The following SDK1 variants were observed in gnomAD, a reference collection of about 807,000 sequenced individuals.
SDK1 encodes the protein protein sidekick-1.
In SDK1, 157 loss-of-function variants were observed where a neutral mutation model predicts 245.5. That is an observed-to-expected ratio of 0.64 (90% confidence interval 0.56 to 0.73). The LOEUF (loss-of-function observed/expected upper bound fraction) is 0.73. SDK1 is among the 30% of genes least tolerant of loss of function. The pLI, the probability that SDK1 is intolerant of heterozygous loss-of-function variation, is 0.00. For missense variants in SDK1, 3,583 were observed against 3,002.3 expected (o/e 1.19, Z -4.52); for synonymous variants, 1,647 against 1,278.5 (o/e 1.29, Z -6.15).
At chr7:3,501,378 GAA>G in intron 1 of SDK1, among the ~76,000 whole-genome samples, 1 of 136,066 alleles carries the variant, frequency 7.3e-6, no homozygotes, top group African/African-American at 2.5e-5. Flanking sequence ...TCAGGAAAAA[GAA>G]AAAAAAAAAC....
At chr7:4,194,762 C>G (rs1783483271) in intron 35 of SDK1, among the ~76,000 whole-genome samples, 1 of 152,116 alleles carries the variant, frequency 6.6e-6, no homozygotes, top group Non-Finnish European at 1.5e-5. Context: ...GTCTGCTTTT[C>G]CCAGCCCACT....
intron 5 of SDK1, among the ~76,000 whole-genome samples, chr7:3,949,185 T>C (rs760996077): frequency 2.6e-5 from 4 of 152,164 alleles, no homozygotes; most frequent in Non-Finnish European, 5.9e-5. Context: ...AGTCTAGAGA[T>C]GGGGAAGGCT....
chr7:3,895,095 A>G (rs993043176), intron 5 of SDK1, among the ~76,000 whole-genome samples: 2 of 152,234 alleles, frequency 1.3e-5, no homozygotes, highest in Non-Finnish European at 2.9e-5. Flanking sequence ...TTTCTATTAT[A>G]GGGTAAGAAG....
intron 1 of SDK1, among the ~76,000 whole-genome samples, chr7:3,438,878 G>A (rs1206244546): frequency 1.4e-5 from 2 of 140,434 alleles, no homozygotes; most frequent in African/African-American, 2.8e-5. Flanking sequence ...TTGAGATGGA[G>A]TTTCACTCTT....
intron 1 of SDK1, among the ~76,000 whole-genome samples, chr7:3,472,331 T>C (rs1311742308): frequency 2.0e-5 from 3 of 152,168 alleles, no homozygotes; most frequent in African/African-American, 7.2e-5. Context: ...TTGTGCAATT[T>C]TATTGTGCTT....
chr7:3,701,947 A>G (rs991883321), intron 4 of SDK1, among the ~76,000 whole-genome samples: 2 of 146,280 alleles, frequency 1.4e-5, no homozygotes, highest in African/African-American at 5.1e-5. Context: ...AAAAAAAAAG[A>G]AAAAAGAAAA....
At chr7:3,529,134 G>A (rs1321137345) in intron 1 of SDK1, among the ~76,000 whole-genome samples, 1 of 152,140 alleles carries the variant, frequency 6.6e-6, no homozygotes, top group Non-Finnish European at 1.5e-5. Context: ...GAACCTTGAG[G>A]TGTTAGACTA....
chr7:3,840,325 G>A (rs1780125675), intron 5 of SDK1, among the ~76,000 whole-genome samples: 1 of 152,124 alleles, frequency 6.6e-6, no homozygotes, highest in Non-Finnish European at 1.5e-5. Context: ...CAAGAAATAG[G>A]AAAAGACAAA....
At chr7:3,725,023 A>C (rs1455322482) in intron 4 of SDK1, among the ~76,000 whole-genome samples, 1 of 152,238 alleles carries the variant, frequency 6.6e-6, no homozygotes, top group East Asian at 1.9e-4. Context: ...ATTAGCTTAG[A>C]CTTTCTTATT....
rs552881053 is a variant in SDK1, at chr7:3,660,214, A to G, written c.713+18109A>G. 2.0e-5 allele frequency among the ~76,000 whole-genome samples: 3 copies of G among 152,120 alleles called. No homozygotes were observed. The East Asian group carries it at 5.8e-4, about 29-fold the overall frequency. On this transcript the variant is annotated intron_variant, in intron 4 of 44. Transcript: ENST00000404826. Reference sequence around the variant, plus strand: ...ACTGCTGAGGAGCTCTACCATGCAGAGCAGGGTAGAGAAATAAGACACCCA... The same window carrying G: ...ACTGCTGAGGAGCTCTACCATGCAGGGCAGGGTAGAGAAATAAGACACCCA...
intron 4 of SDK1, among the ~76,000 whole-genome samples, chr7:3,784,381 G>T (rs923978968): frequency 6.6e-6 from 1 of 151,664 alleles, no homozygotes; most frequent in East Asian, 1.9e-4. Context: ...AACTCAAAAT[G>T]GATTAAAGTC....
intron 27 of SDK1, among the ~76,000 whole-genome samples, chr7:4,131,927 T>C (rs1784851667): frequency 6.6e-6 from 1 of 152,192 alleles, no homozygotes; most frequent in Non-Finnish European, 1.5e-5. Flanking sequence ...GCTTTGCAGA[T>C]GTCAAACCCA....
At chr7:3,853,592 T>C (rs1780470441) in intron 5 of SDK1, among the ~76,000 whole-genome samples, 1 of 152,198 alleles carries the variant, frequency 6.6e-6, no homozygotes, top group South Asian at 2.1e-4. Flanking sequence ...TTGGAATATT[T>C]GCAGAATACA....
At chr7:4,050,868 G>A (rs1308691016) in intron 18 of SDK1, among the ~76,000 whole-genome samples, 7 of 138,182 alleles carry the variant, frequency 5.1e-5, no homozygotes, top group South Asian at 2.2e-4. Context: ...TATACTATAT[G>A]GTATATATTA....
intron 4 of SDK1, among the ~76,000 whole-genome samples, chr7:3,801,407 A>G (rs545172417): frequency 6.6e-6 from 1 of 152,298 alleles, no homozygotes; most frequent in African/African-American, 2.4e-5. Context: ...AGTCTACTGA[A>G]TGTTTAATCC....
intron 35 of SDK1, among the ~76,000 whole-genome samples, chr7:4,181,232 G>C (rs1349098004): frequency 2.0e-5 from 3 of 152,246 alleles, no homozygotes; most frequent in Non-Finnish European, 4.4e-5. Flanking sequence ...CCCTCGGCGT[G>C]AGGTTTTTGA....
In SDK1 at chr7:4,067,948, T is replaced by A; in HGVS notation, c.3010+12T>A. 6.3e-7 allele frequency: 1 copy of A among 1,582,952 alleles called. No homozygotes were observed. On this transcript the variant is annotated intron_variant, in intron 20 of 44. Coordinates refer to ENST00000404826, the MANE Select transcript of SDK1 (RefSeq NM_152744.4). ...TGGCATCATTACTGGTAAGTAGGCC[T>A]GTCCTTCAAAAAAGGAAAAGATAAG...
intron 4 of SDK1, among the ~76,000 whole-genome samples, chr7:3,711,583 T>C (rs1335060224): frequency 1.3e-5 from 2 of 152,202 alleles, no homozygotes; most frequent in African/African-American, 2.4e-5. Flanking sequence ...ATGCTGCTGG[T>C]ACCAGGGCTC....
intron 1 of SDK1, among the ~76,000 whole-genome samples, chr7:3,440,068 G>C (rs1355438498): frequency 6.6e-6 from 1 of 152,028 alleles, no homozygotes; most frequent in South Asian, 2.1e-4. Flanking sequence ...TTTTTTTGTA[G>C]TTTCAGTCAC....
Sources: gnomAD v4.1 joint callset for allele counts (sites outside exome capture counted in the v4.1 genomes callset) on GRCh38, gnomAD v4.1.1 for gene constraint, MANE v1.5 for transcripts, NCBI Gene and HGNC (gene_info 2026-07-23, HGNC 2026-07-21) for gene names.